The following CATSPERE variants were observed in gnomAD, a reference collection of about 807,000 sequenced individuals.
The protein encoded by CATSPERE is cation channel sperm-associated auxiliary subunit epsilon.
Under a neutral mutation model 114.1 loss-of-function variants are expected in CATSPERE, and 93 were observed. The observed-to-expected ratio is 0.81, with a 90% CI of 0.69 to 0.97. The LOEUF (loss-of-function observed/expected upper bound fraction) is 0.97, where lower values mean the gene tolerates loss of function less well. Among genes scored for constraint, CATSPERE ranks in the 50% least tolerant of loss-of-function variants. The pLI is 0.00. For synonymous variants in CATSPERE, 341 were observed against 384.1 expected, an observed-to-expected ratio of 0.89 and a Z score of 1.31; for missense variants, 1,058 against 1,131.6, an observed-to-expected ratio of 0.93 and a Z score of 0.93.
chr1:244,463,150 A>T, intron 1 of CATSPERE, among the ~76,000 whole-genome samples: 1 of 152,202 alleles, frequency 6.6e-6, no homozygotes, highest in Non-Finnish European at 1.5e-5. Context: ...AATAAAACTT[A>T]AAATTAATTA....
intron 7 of CATSPERE, among the ~76,000 whole-genome samples, chr1:244,513,156 G>A (rs1676044467): frequency 6.6e-6 from 1 of 151,836 alleles, no homozygotes; most frequent in Non-Finnish European, 1.5e-5. Flanking sequence ...ATAAGCAGTG[G>A]CAGTAGCAGC....
At chr1:244,478,025 A>G in intron 4 of CATSPERE, 50 bp downstream of exon 4, 1 of 1,316,372 alleles carries the variant, frequency 7.6e-7, no homozygotes, top group Non-Finnish European at 1.1e-6. Context: ...TCATCCTGTT[A>G]TCCTGTTACA....
Position 244,479,731 on chromosome 1 carries a change from CTATT to C in CATSPERE, c.279_282del (p.Phe94TrpfsTer49), listed in dbSNP as rs1452802384. ...TTTTCTTTTAGGATGAAGAAGAACG[CTATT>C]TATTTGTGGAAAGTTCTCATACTTG... On this transcript the variant is annotated frameshift_variant, in exon 5 of 22. Transcript: ENST00000366534. LOFTEE classifies it high-confidence loss of function. 1.3e-6 allele frequency: 2 copies of C among 1,599,712 alleles called. No homozygotes were observed. Among genetic ancestry groups the C allele is most frequent in the Non-Finnish European group, 1.7e-6 (2 of 1,170,366 alleles).
At chr1:244,540,237 A>G (rs1024657883) in intron 8 of CATSPERE, among the ~76,000 whole-genome samples, 4 of 151,022 alleles carry the variant, frequency 2.6e-5, no homozygotes, top group Non-Finnish European at 4.4e-5. Flanking sequence ...TGCAGACGAC[A>G]TGATTGTATA....
chr1:244,553,341 C>G (rs1432330008), intron 9 of CATSPERE, among the ~76,000 whole-genome samples: 3 of 151,666 alleles, frequency 2.0e-5, no homozygotes, highest in Non-Finnish European at 4.4e-5. Flanking sequence ...GCGGGCAGAT[C>G]ACAATGTCAG....
intron 8 of CATSPERE, among the ~76,000 whole-genome samples, chr1:244,527,623 A>G (rs1240814817): frequency 6.6e-6 from 1 of 152,214 alleles, no homozygotes; most frequent in African/African-American, 2.4e-5. Flanking sequence ...TAAAATAAAG[A>G]CAGGGATAGG....
chr1:244,617,766 A>C, intron 20 of CATSPERE, 80 bp downstream of exon 20: 1 of 1,158,494 alleles, frequency 8.6e-7, no homozygotes, highest in Non-Finnish European at 1.2e-6. Flanking sequence ...CATCCTATAC[A>C]TTCAATCATT....
At chr1:244,477,247 C>T (rs549144029) in intron 2 of CATSPERE, among the ~76,000 whole-genome samples, 6 of 152,268 alleles carry the variant, frequency 3.9e-5, no homozygotes, top group African/African-American at 1.4e-4. Flanking sequence ...CCACCTGCGT[C>T]GGCCTCCCAA....
intron 20 of CATSPERE, among the ~76,000 whole-genome samples, chr1:244,620,680 A>G (rs941432733): frequency 6.6e-6 from 1 of 152,152 alleles, no homozygotes; most frequent in Non-Finnish European, 1.5e-5. Flanking sequence ...TTTCCTGTAC[A>G]GTACGTTTAA....
rs543949600 is a variant in CATSPERE, at chr1:244,621,092, TAAA to T, written c.2648+3408_2648+3410del. On this transcript the variant is annotated intron_variant, in intron 20 of 21. Transcript: ENST00000366534. ...TATAAAATATATATATAAATATATA[TAAA>T]ATATATATAAATATATATATAATAT... Among the ~76,000 whole-genome samples, 311 of 67,272 alleles carry T rather than the reference TAAA, an allele frequency of 4.6e-3. 7 individuals are homozygous for T. The highest frequency in any genetic ancestry group is 0.017 in the African/African-American group (293 of 17,674). The allele number at this position is 67,272 out of a possible 152,430, so 44.1% of individuals were successfully genotyped here. A position where few individuals can be genotyped will look rare whatever the true frequency, so the allele number is the denominator to read the frequency against.
chr1:244,490,547 C>T (rs1411268233), intron 6 of CATSPERE, 76 bp downstream of exon 6: 2 of 907,630 alleles, frequency 2.2e-6, no homozygotes, highest in Non-Finnish European at 1.7e-6. Context: ...TCCATATTTA[C>T]CAGATGAGGA....
At chr1:244,540,917 A>G (rs1383534803) in intron 8 of CATSPERE, among the ~76,000 whole-genome samples, 1 of 67,812 alleles carries the variant, frequency 1.5e-5, no homozygotes, top group Non-Finnish European at 3.5e-5. Flanking sequence ...AGGATTCCCT[A>G]TTTAATAAAT....
At chr1:244,567,356 G>GGT (rs761706464) in intron 10 of CATSPERE, among the ~76,000 whole-genome samples, 5 of 152,040 alleles carry the variant, frequency 3.3e-5, no homozygotes, top group African/African-American at 7.2e-5. Flanking sequence ...GTATCTTTTT[G>GGT]GTGTTCTCTG....
intron 21 of CATSPERE, among the ~76,000 whole-genome samples, chr1:244,637,663 C>A (rs1165691395): frequency 6.6e-6 from 1 of 152,160 alleles, no homozygotes; most frequent in East Asian, 1.9e-4. Flanking sequence ...ACAACACTTA[C>A]CAGTACACCC....
intron 8 of CATSPERE, among the ~76,000 whole-genome samples, chr1:244,526,192 G>GAGCTC (rs569270411): frequency 4.5e-4 from 68 of 152,222 alleles, no homozygotes; most frequent in African/African-American, 1.6e-3. Flanking sequence ...CAGACTGCCT[G>GAGCTC]AGCTCAGGAG....
chr1:244,564,503 C>T (rs932994573), intron 10 of CATSPERE, among the ~76,000 whole-genome samples: 2 of 152,138 alleles, frequency 1.3e-5, no homozygotes, highest in Admixed American at 6.6e-5. Flanking sequence ...ATTTTATGCT[C>T]TTTGTAGCAA....
Position 244,536,825 on chromosome 1 carries a change from A to G in CATSPERE, c.537-15497A>G, listed in dbSNP as rs1680460436. ...GAGAAGAAGATTGGTGGAGGCTTCT[A>G]TTCACTCATCCTGTTCTGCCTCCAT... On this transcript the variant is annotated intron_variant, in intron 8 of 21. Transcript: ENST00000366534. Among the ~76,000 whole-genome samples the G allele has an allele frequency of 2.6e-5, 4 of 152,180 alleles. No homozygotes were observed. In the South Asian group the frequency reaches 8.3e-4, roughly 31 times the overall value.
At chr1:244,579,558 AT>A (rs1377499804) in intron 11 of CATSPERE, among the ~76,000 whole-genome samples, 1 of 152,218 alleles carries the variant, frequency 6.6e-6, no homozygotes, top group Non-Finnish European at 1.5e-5. Context: ...TTGAAAAAAA[AT>A]CCCATATATA....
At chr1:244,618,693 C>T (rs1344947581) in intron 20 of CATSPERE, among the ~76,000 whole-genome samples, 1 of 152,066 alleles carries the variant, frequency 6.6e-6, no homozygotes, top group African/African-American at 2.4e-5. Context: ...AGGAGAATCG[C>T]TTGAGCCTGG....
Sources: allele counts gnomAD v4.1 joint callset (sites outside exome capture counted in the v4.1 genomes callset), GRCh38; gene constraint gnomAD v4.1.1; transcripts MANE v1.5; gene names NCBI Gene and HGNC (gene_info 2026-07-23, HGNC 2026-07-21).